The following BPIFC variants were observed in gnomAD, a reference collection of about 807,000 sequenced individuals.
BPIFC encodes BPI fold-containing family C protein.
In BPIFC, 60 loss-of-function variants were observed where a neutral mutation model predicts 57.6. The observed-to-expected ratio is 1.04, with a 90% CI of 0.85 to 1.29. BPIFC has a LOEUF of 1.29. Ranked by LOEUF, BPIFC falls within the 50% of genes most tolerant of loss-of-function variation. The pLI is 0.00. For missense variants in BPIFC, 581 were observed against 600.5 expected (o/e 0.97, Z 0.34); for synonymous variants, 243 against 224.5 (o/e 1.08, Z -0.74).
intron 7 of BPIFC, 148 bp from the exon 8 acceptor site, chr22:32,442,879 T>C: frequency 1.3e-6 from 1 of 751,656 alleles, no homozygotes; most frequent in South Asian, 1.8e-5. Context: ...AATTTGTTGA[T>C]GTCTATGGGC....
chr22:32,463,534 CCTA>C (rs1052097215), intron 1 of BPIFC, among the ~76,000 whole-genome samples: 1 of 152,118 alleles, frequency 6.6e-6, no homozygotes, highest in Non-Finnish European at 1.5e-5. Context: ...CACAGATGGT[CCTA>C]CTACTACTGC....
At chr22:32,428,003 A>G (rs1346373287) in intron 13 of BPIFC, among the ~76,000 whole-genome samples, 3 of 152,016 alleles carry the variant, frequency 2.0e-5, no homozygotes, top group African/African-American at 4.8e-5. Flanking sequence ...AAACAGAACA[A>G]AACAAAACAA....
At position 32,424,574 on chromosome 22, in the gene BPIFC, T is replaced by TTTCTTCTTCTTCTTCTTCTTC. The variant is rs148930460; in HGVS notation, c.1218-5191_1218-5171dup. Among the ~76,000 whole-genome samples the TTTCTTCTTCTTCTTCTTCTTC allele has an allele frequency of 3.0e-3, 205 of 68,976 alleles. 36 individuals are homozygous for TTTCTTCTTCTTCTTCTTCTTC. Among genetic ancestry groups the TTTCTTCTTCTTCTTCTTCTTC allele is most frequent in the East Asian group, 0.011 (23 of 2,114 alleles). The allele number at this position is 68,976 out of a possible 152,430, so 45.3% of individuals were successfully genotyped here. The stretch of plus-strand genomic sequence containing the variant: ...TTCCTAAATCTTAAGTGTTATTTTC[T>TTTCTTCTTCTTCTTCTTCTTC]TTCTTCTTCTTCTTCTTCTTCTTCT... On this transcript the variant is annotated intron_variant, in intron 13 of 16. Transcript: ENST00000300399.
In BPIFC at chr22:32,424,642, C is replaced by CTCTCCTTCT; in HGVS notation, c.1218-5239_1218-5238insAGAAGGAGA. Reference sequence around the variant, plus strand: ...TCCTCCTCCTCCTCTTCTTCTTCTTCTCTTCTTCTTCTTCTTCTTCTTCTT... The same window carrying CTCTCCTTCT: ...TCCTCCTCCTCCTCTTCTTCTTCTTCTCTCCTTCTTCTTCTTCTTCTTCTTCTTCTTCTT... On this transcript the variant is annotated intron_variant, in intron 13 of 16. Coordinates refer to ENST00000300399, the MANE Select transcript of BPIFC (RefSeq NM_174932.3). 7.0e-5 allele frequency among the ~76,000 whole-genome samples: 2 copies of CTCTCCTTCT among 28,754 alleles called. 1 individual carries two copies. Among genetic ancestry groups the CTCTCCTTCT allele is most frequent in the Non-Finnish European group, 1.1e-4 (2 of 17,660 alleles). The allele number at this position is 28,754 out of a possible 152,430, so 18.9% of individuals were successfully genotyped here.
chr22:32,439,607 A>AT (rs1934509269), intron 8 of BPIFC, among the ~76,000 whole-genome samples: 1 of 133,038 alleles, frequency 7.5e-6, no homozygotes, highest in African/African-American at 3.0e-5. Context: ...CATAGTTTTT[A>AT]TTTTTTATTT....
intron 4 of BPIFC, among the ~76,000 whole-genome samples, chr22:32,451,559 AGG>A (rs1287965381): frequency 6.6e-6 from 1 of 151,664 alleles, no homozygotes; most frequent in East Asian, 2.0e-4. Flanking sequence ...AGGTTGGGGT[AGG>A]GTGGAGGGAT....
Position 32,424,650 on chromosome 22 carries a change from CT to C in BPIFC, c.1218-5247del, listed in dbSNP as rs1305609121. ...CTCCTCTTCTTCTTCTTCTCTTCTTCTTCTTCTTCTTCTTCTTCTTCTTCTT... is the reference window on the plus strand; with the variant it reads ...CTCCTCTTCTTCTTCTTCTCTTCTTCTCTTCTTCTTCTTCTTCTTCTTCTT... On this transcript the variant is annotated intron_variant, in intron 13 of 16. Coordinates refer to ENST00000300399, the MANE Select transcript of BPIFC (RefSeq NM_174932.3). Among the ~76,000 whole-genome samples, 40 of 56,520 alleles carry C rather than the reference CT, an allele frequency of 7.1e-4. 4 individuals are homozygous for C. Among genetic ancestry groups the C allele is most frequent in the Middle Eastern group, 8.6e-3 (1 of 116 alleles). 37.1% of individuals were successfully genotyped at this position (56,520 alleles called of 152,430 possible).
intron 10 of BPIFC, among the ~76,000 whole-genome samples, chr22:32,435,423 A>C (rs77380610): frequency 0.096 from 14,545 of 152,234 alleles, 825 homozygotes; most frequent in Middle Eastern, 0.13. Flanking sequence ...GGATTTTCAG[A>C]TTAGGGCTGC....
chr22:32,429,518 T>TTTG (rs1246709316), intron 13 of BPIFC, among the ~76,000 whole-genome samples: 1 of 124,516 alleles, frequency 8.0e-6, no homozygotes, highest in African/African-American at 3.0e-5. Flanking sequence ...TGTTTTTTTT[T>TTTG]TTTTTTTTTT....
intron 10 of BPIFC, among the ~76,000 whole-genome samples, chr22:32,434,999 A>ATGC (rs397739162): frequency 1.4e-4 from 22 of 152,020 alleles, no homozygotes; most frequent in South Asian, 2.1e-4. Flanking sequence ...AATAATGATG[A>ATGC]CAATGATGAT....
chr22:32,429,493 A>G (rs1414750195), intron 13 of BPIFC, among the ~76,000 whole-genome samples: 1 of 132,934 alleles, frequency 7.5e-6, no homozygotes. Context: ...GGCGTGAGCC[A>G]TGGCAACTGG....
chr22:32,462,555 T>C lies in BPIFC; in HGVS notation c.-88-894A>G, dbSNP rs73407166. 1.9e-3 allele frequency among the ~76,000 whole-genome samples: 289 copies of C among 152,342 alleles called. 2 individuals are homozygous for C. The highest frequency in any genetic ancestry group is 6.6e-3 in the African/African-American group (276 of 41,592). On this transcript the variant is annotated intron_variant, in intron 1 of 16. Coordinates refer to ENST00000300399, the MANE Select transcript of BPIFC (RefSeq NM_174932.3). ...CTAAAATAATAAATTTTTATTTCTT[T>C]ACCCTTTACAAAACTCACAGTTCTT...
At chr22:32,434,156 T>TTA (rs1188985598) in intron 10 of BPIFC, among the ~76,000 whole-genome samples, 5 of 149,476 alleles carry the variant, frequency 3.3e-5, no homozygotes, top group Non-Finnish European at 7.4e-5. Flanking sequence ...TACATATTCT[T>TTA]TATATATATA....
Position 32,445,699 on chromosome 22 carries a change from C to G in BPIFC, c.531-1G>C. The G allele has an allele frequency of 1.7e-6, 1 of 603,822 alleles. No individual in the cohort carries two copies. Among genetic ancestry groups the G allele is most frequent in the Non-Finnish European group, 2.6e-6 (1 of 378,006 alleles). 37.4% of individuals were successfully genotyped at this position (603,822 alleles called of 1,614,324 possible). ...CTCAGCAAAGGAGTTATACAGAACA[C>G]TGAGGAAAAAAATGAAAAAAAAAAA... is the stretch of plus-strand genomic sequence containing the variant. On this transcript the variant is annotated splice_acceptor_variant, in intron 6 of 16. Transcript: ENST00000300399. LOFTEE classifies it high-confidence loss of function.
At chr22:32,414,478 T>C in intron 16 of BPIFC, 53 bp from the exon 17 acceptor site, 2 of 1,596,944 alleles carry the variant, frequency 1.3e-6, no homozygotes, top group South Asian at 2.3e-5. Flanking sequence ...ATGTCTGGGT[T>C]TGTCTGAGGC....
At chr22:32,461,319 G>T (rs1465234933) in intron 2 of BPIFC, among the ~76,000 whole-genome samples, 1 of 152,218 alleles carries the variant, frequency 6.6e-6, no homozygotes, top group African/African-American at 2.4e-5. Flanking sequence ...GAGCAGTGTT[G>T]GGAGCAGAGC....
At position 32,451,782 on chromosome 22, in the gene BPIFC, C is replaced by T. The variant is rs184116754; in HGVS notation, c.245+1601G>A. Reference sequence around the variant, plus strand: ...TACACATGATATTGTACAATTCTTCCTGTACTTTCTGCTGTGGCATTATTA... The same window carrying T: ...TACACATGATATTGTACAATTCTTCTTGTACTTTCTGCTGTGGCATTATTA... On this transcript the variant is annotated intron_variant, in intron 4 of 16. Transcript: ENST00000300399. 1.3e-3 allele frequency among the ~76,000 whole-genome samples: 201 copies of T among 152,252 alleles called. 1 individual carries two copies. The highest frequency in any genetic ancestry group is 2.4e-3 in the Non-Finnish European group (166 of 68,026).
chr22:32,453,264 G>A, intron 4 of BPIFC, 119 bp downstream of exon 4: 1 of 748,496 alleles, frequency 1.3e-6, no homozygotes. Flanking sequence ...GCTAAGGACA[G>A]CAGAACAGAA....
intron 13 of BPIFC, among the ~76,000 whole-genome samples, chr22:32,425,476 G>T (rs1047642675): frequency 1.3e-5 from 2 of 152,188 alleles, no homozygotes; most frequent in African/African-American, 4.8e-5. Flanking sequence ...GGATACAGGG[G>T]AGCGAAGTGT....
Sources: gnomAD v4.1 joint callset for allele counts (sites outside exome capture counted in the v4.1 genomes callset) on GRCh38, gnomAD v4.1.1 for gene constraint, MANE v1.5 for transcripts, NCBI Gene and HGNC (gene_info 2026-07-23, HGNC 2026-07-21) for gene names.